Variants in MYO18B observed in about 807,000 individuals in gnomAD.
MYO18B encodes unconventional myosin-XVIIIb.
MYO18B carries 204 observed loss-of-function variants against 273.0 expected under a neutral mutation model. That is an observed-to-expected ratio of 0.75 (90% CI 0.67 to 0.84). The LOEUF (loss-of-function observed/expected upper bound fraction) is 0.84, where lower values mean the gene tolerates loss of function less well. MYO18B is among the 40% of genes least tolerant of loss of function. MYO18B has a pLI of 0.00. For synonymous variants in MYO18B, 1,330 were observed against 1,305.7 expected (o/e 1.02, Z -0.40); for missense variants, 3,212 against 3,287.6 (o/e 0.98, Z 0.56).
intron 34 of MYO18B, among the ~76,000 whole-genome samples, chr22:25,941,724 G>A (rs1414471997): frequency 2.6e-5 from 4 of 152,218 alleles, no homozygotes; most frequent in Non-Finnish European, 4.4e-5. Context: ...TGTCAGCAGC[G>A]GCCTGGGGCC....
chr22:25,826,292 G>A (rs938806343), intron 13 of MYO18B, 117 bp from the exon 14 acceptor site: 1 of 687,812 alleles, frequency 1.5e-6, no homozygotes, highest in Middle Eastern at 3.2e-4. Context: ...GCAGTGGAGG[G>A]ATGTGGCAAG....
intron 25 of MYO18B, among the ~76,000 whole-genome samples, chr22:25,887,994 G>A (rs923336518): frequency 1.3e-5 from 2 of 152,124 alleles, no homozygotes; most frequent in Admixed American, 6.5e-5. Flanking sequence ...GTGACCTGGG[G>A]CATTCCTGGC....
At chr22:26,059,869 C>T in the MYO18B span, among the ~76,000 whole-genome samples, 2 of 152,172 alleles carry the variant, frequency 1.3e-5, no homozygotes, top group Non-Finnish European at 2.9e-5. Flanking sequence ...CTGGGAAAGG[C>T]TGGAGAAGGT....
At chr22:26,040,482 T>C in the MYO18B span, among the ~76,000 whole-genome samples, 1 of 152,010 alleles carries the variant, frequency 6.6e-6, no homozygotes, top group African/African-American at 2.4e-5. Flanking sequence ...TGGGAGCAAA[T>C]GGTAAACAAG....
At chr22:25,803,444 T>G (rs1601743587) in intron 12 of MYO18B, among the ~76,000 whole-genome samples, 1 of 152,130 alleles carries the variant, frequency 6.6e-6, no homozygotes, top group East Asian at 1.9e-4. Flanking sequence ...TGGGTCATAG[T>G]AACTGCTCAG....
intron 35 of MYO18B, 75 bp downstream of exon 35, chr22:25,946,325 C>T (rs558558081): frequency 2.5e-5 from 25 of 998,576 alleles, no homozygotes; most frequent in South Asian, 2.2e-4. Flanking sequence ...GCCTAGTGTG[C>T]GCTCAGCACT....
At chr22:25,775,364 G>C (rs774273149) in intron 7 of MYO18B, among the ~76,000 whole-genome samples, 3 of 152,200 alleles carry the variant, frequency 2.0e-5, no homozygotes, top group Non-Finnish European at 4.4e-5. Context: ...CTAGGCTGAG[G>C]GGAGGGCCAT....
chr22:25,761,921 AGACCAGTCT>A (rs915712563), intron 2 of MYO18B, among the ~76,000 whole-genome samples: 1 of 152,136 alleles, frequency 6.6e-6, no homozygotes, highest in African/African-American at 2.4e-5. Context: ...CAGGAGTTCG[AGACCAGTCT>A]GGCCAACATA....
At chr22:25,936,327 T>G (rs1035785037) in intron 34 of MYO18B, among the ~76,000 whole-genome samples, 3 of 152,156 alleles carry the variant, frequency 2.0e-5, no homozygotes, top group African/African-American at 7.2e-5. Flanking sequence ...AAGCAGTCCT[T>G]AGATCCTAAA....
At chr22:25,991,296 C>T (rs1156788713) in intron 39 of MYO18B, among the ~76,000 whole-genome samples, 1 of 152,140 alleles carries the variant, frequency 6.6e-6, no homozygotes, top group East Asian at 1.9e-4. Context: ...CTGGGTCTCA[C>T]CCAGGGTTTC....
At chr22:25,847,966 CA>C (rs1324401022) in intron 20 of MYO18B, among the ~76,000 whole-genome samples, 7 of 151,308 alleles carry the variant, frequency 4.6e-5, no homozygotes, top group African/African-American at 1.5e-4. Flanking sequence ...CACACACACA[CA>C]CACACACAAA....
intron 34 of MYO18B, among the ~76,000 whole-genome samples, chr22:25,921,751 TGTGTATGC>T (rs2092348441): frequency 3.4e-5 from 5 of 148,222 alleles, no homozygotes; most frequent in South Asian, 2.2e-4. Context: ...TATGTGTATG[TGTGTATGC>T]GTGTATGCGT....
rs527536345 is a variant in MYO18B, at chr22:25,972,805, A to ATCAAGTTTT, written c.6156+17441_6156+17442insTCAAGTTTT. ...ACCCCTTCTCTACTAAAAATACAAA[A>ATCAAGTTTT]ATTACCTGGGTGTGGTGGTGCATGC... On this transcript the variant is annotated intron_variant, in intron 39 of 43. Coordinates refer to ENST00000335473, the MANE Select transcript of MYO18B (RefSeq NM_032608.7). 3.2e-4 allele frequency among the ~76,000 whole-genome samples: 49 copies of ATCAAGTTTT among 152,070 alleles called. No homozygotes were observed. The South Asian group carries it at 0.01, about 32-fold the overall frequency.
chr22:25,784,925 A>T (rs1483262282), intron 10 of MYO18B, among the ~76,000 whole-genome samples: 1 of 152,218 alleles, frequency 6.6e-6, no homozygotes, highest in South Asian at 2.1e-4. Context: ...TCGAGGGGCC[A>T]ACAGACCTCA....
At chr22:25,874,130 T>C in intron 22 of MYO18B, among the ~76,000 whole-genome samples, 156 bp from the exon 23 acceptor site, 1 of 152,114 alleles carries the variant, frequency 6.6e-6, no homozygotes, top group East Asian at 1.9e-4. Context: ...CAAAATGCTT[T>C]GATAATTTAG....
chr22:25,951,672 A>G, intron 37 of MYO18B, among the ~76,000 whole-genome samples: 1 of 152,176 alleles, frequency 6.6e-6, no homozygotes, highest in Non-Finnish European at 1.5e-5. Flanking sequence ...CTCTTCTAGA[A>G]CCCTGGCATG....
intron 38 of MYO18B, 101 bp downstream of exon 38, chr22:25,952,524 T>G: frequency 7.0e-7 from 1 of 1,420,908 alleles, no homozygotes; most frequent in Non-Finnish European, 9.6e-7. Context: ...CTCACATGCC[T>G]TCATCTAGAT....
chr22:25,763,271 C>T lies in MYO18B; in HGVS notation c.80C>T (p.Pro27Leu). Residue 27 changes from proline (P) to leucine (L), a missense_variant, in exon 3 of 44, where the codon CCT becomes CTT. By Grantham distance (98) the Pro-to-Leu change is moderately conservative. Coordinates refer to ENST00000335473, the MANE Select transcript of MYO18B (RefSeq NM_032608.7). Reference protein sequence around the residue: ...EDKSPPPSSPPPLFSVIPGGF... With the variant: ...EDKSPPPSSPLPLFSVIPGGF... ...AAGAGCCCTCCACCATCCTCGCCCC[C>T]TCCTCTTTTCTCTGTCATCCCAGGG... 1 of 1,611,716 alleles carries T rather than the reference C, an allele frequency of 6.2e-7. No homozygotes were observed.
chr22:25,809,091 T>C (rs5761238), intron 12 of MYO18B, among the ~76,000 whole-genome samples: 9,996 of 152,078 alleles, frequency 0.066, 574 homozygotes, highest in East Asian at 0.21. Flanking sequence ...TACAGGTACC[T>C]GCCACCACAC....
Sources: allele counts gnomAD v4.1 joint callset (sites outside exome capture counted in the v4.1 genomes callset), GRCh38; gene constraint gnomAD v4.1.1; transcripts MANE v1.5; gene names NCBI Gene and HGNC (gene_info 2026-07-23, HGNC 2026-07-21).